The following XKR5 variants were observed in gnomAD, a reference collection of about 807,000 sequenced individuals.
XKR5 encodes the protein XK-related protein 5.
XKR5 carries 46 observed loss-of-function variants against 40.8 expected under a neutral mutation model. The observed-to-expected ratio is 1.13, with a 90% confidence interval of 0.89 to 1.44. XKR5 has a LOEUF of 1.44. Ranked by LOEUF, XKR5 falls within the 40% of genes most tolerant of loss-of-function variation. XKR5 has a pLI of 0.00. For missense variants in XKR5, 1,169 were observed against 844.7 expected (o/e 1.38, Z -4.76); for synonymous variants, 466 against 356.1 (o/e 1.31, Z -3.48).
Position 6,815,824 on chromosome 8 carries a change from A to T in XKR5, c.902T>A (p.Leu301Gln), listed in dbSNP as rs1803929746. The T allele has an allele frequency of 6.2e-7, 1 of 1,603,394 alleles. No homozygotes were observed. Among genetic ancestry groups the T allele is most frequent in the African/African-American group, 1.3e-5 (1 of 74,712 alleles). ...GGACTTACCAATCAGAAATCCAGAC[A>T]GGACCCCAGCTATGGTCTGCAGGCT... ...WTSLQTIAGVLSGFLIGSVSL... is the reference protein window; with the variant it reads ...WTSLQTIAGVQSGFLIGSVSL... The change falls in exon 6 of 7, where the codon CTG becomes CAG. Residue 301 changes from leucine to glutamine, a missense_variant. By Grantham distance (113) the Leu-to-Gln change is moderately radical (BLOSUM62 -2). Transcript: ENST00000618742.
intron 2 of XKR5, among the ~76,000 whole-genome samples, chr8:6,826,106 G>A (rs57045395): frequency 0.13 from 19,135 of 152,196 alleles, 1,626 homozygotes; most frequent in East Asian, 0.32. Flanking sequence ...GCGTGTATAT[G>A]GGTGAACACA....
intron 2 of XKR5, among the ~76,000 whole-genome samples, chr8:6,830,643 T>C (rs1804723964): frequency 6.6e-6 from 1 of 152,238 alleles, no homozygotes; most frequent in African/African-American, 2.4e-5. Flanking sequence ...TTTTTGTTCT[T>C]TTAAGGATGT....
intron 1 of XKR5, among the ~76,000 whole-genome samples, chr8:6,834,991 T>G (rs1430529071): frequency 6.6e-6 from 1 of 152,152 alleles, no homozygotes; most frequent in Non-Finnish European, 1.5e-5. Context: ...AGGGTCCCCC[T>G]GGACGGCCGG....
chr8:6,829,542 G>C (rs574301123), intron 2 of XKR5, among the ~76,000 whole-genome samples: 1 of 152,250 alleles, frequency 6.6e-6, no homozygotes, highest in Admixed American at 6.5e-5. Context: ...TTGAGATTGA[G>C]TCTCATTCTG....
intron 6 of XKR5, among the ~76,000 whole-genome samples, chr8:6,814,177 CCA>C (rs377270827): frequency 2.0e-5 from 3 of 152,172 alleles, no homozygotes; most frequent in Non-Finnish European, 4.4e-5. Context: ...GGCCATTTAT[CCA>C]CACACACAGC....
chr8:6,815,282 G>A (rs1803905351), intron 6 of XKR5, among the ~76,000 whole-genome samples: 1 of 152,178 alleles, frequency 6.6e-6, no homozygotes, highest in African/African-American at 2.4e-5. Flanking sequence ...CATAAAACAC[G>A]GCTGATGACA....
At position 6,832,755 on chromosome 8, in the gene XKR5, C is replaced by T. The variant is rs1021993590; in HGVS notation, c.204G>A (p.Leu68=). 5.0e-6 allele frequency: 8 copies of T among 1,613,420 alleles called. No homozygotes were observed. Among genetic ancestry groups the T allele is most frequent in the Non-Finnish European group, 6.8e-6 (8 of 1,179,658 alleles). The part of the protein sequence containing the change: ...RADGHPGHCS[L]MMLHLLQLGV... Reference sequence around the variant, plus strand: ...CAAGCTGTAGGAGGTGCAGCATCATCAAGGAGCAATGCCCTGGATGCCCGT... The same window carrying T: ...CAAGCTGTAGGAGGTGCAGCATCATTAAGGAGCAATGCCCTGGATGCCCGT... Residue 68 remains leucine (L), a synonymous_variant, in exon 2 of 7, where the codon TTG becomes TTA. Coordinates refer to ENST00000618742, the MANE Select transcript of XKR5 (RefSeq NM_207411.5).
intron 2 of XKR5, among the ~76,000 whole-genome samples, chr8:6,826,615 C>T (rs2741083): frequency 0.47 from 71,940 of 151,914 alleles, 17,224 homozygotes; most frequent in East Asian, 0.58. Flanking sequence ...CTGGATTGGC[C>T]ACGATATGAA....
chr8:6,830,441 G>T (rs531090301), intron 2 of XKR5, among the ~76,000 whole-genome samples: 82 of 152,318 alleles, frequency 5.4e-4, no homozygotes, highest in African/African-American at 1.8e-3. Flanking sequence ...CTCTATGGAA[G>T]TAAATTTCTG....
At chr8:6,834,553 C>A (rs902124218) in intron 1 of XKR5, among the ~76,000 whole-genome samples, 16 of 152,250 alleles carry the variant, frequency 1.1e-4, no homozygotes, top group Non-Finnish European at 2.2e-4. Context: ...GGCGCGGAGC[C>A]AGGGCGCTTG....
At position 6,821,896 on chromosome 8, in the gene XKR5, AG is replaced by A. The variant is rs1253424301; in HGVS notation, c.779del (p.Ser260LeufsTer38). The A allele has an allele frequency of 6.2e-7, 1 of 1,613,400 alleles. No individual in the cohort carries two copies. The highest frequency in any genetic ancestry group is 1.3e-5 in the African/African-American group (1 of 74,918). On this transcript the variant is annotated frameshift_variant, in exon 5 of 7. Transcript: ENST00000618742. LOFTEE classifies it high-confidence loss of function. ...LCYLSFWDSP[S>X]RNRMVTFYMV... ...TGTAGAACGTGACCATCCTATTTCT[AG>A]AAGGGCTGTCCCAGAAGCTGAGGTA...
Position 6,812,055 on chromosome 8 carries a change from G to T in XKR5, c.1204C>A (p.His402Asn). ...QVAVEDSFLS[H>N]HHWLWVKLAL... ...AGTTTCACCCACAGCCAGTGGTGAT[G>T]ACTGAGGAAAGAGTCCTCCACAGCA... Residue 402 changes from histidine to asparagine, a missense_variant, in exon 7 of 7, where the codon CAT (histidine) becomes AAT (asparagine). His to Asn is a moderately conservative substitution (Grantham distance 68, BLOSUM62 1). Transcript: ENST00000618742. 2 of 1,539,270 alleles carry T rather than the reference G, an allele frequency of 1.3e-6. No individual in the cohort carries two copies. The highest frequency in any genetic ancestry group is 1.7e-6 in the Non-Finnish European group (2 of 1,146,944).
rs550827454 is a variant in XKR5 at position 6,830,671 on chromosome 8, TTA to T, written c.242+2044_242+2045del. On this transcript the variant is annotated intron_variant, in intron 2 of 6. Transcript: ENST00000618742. The stretch of plus-strand genomic sequence containing the variant: ...AAGGATGTGTATTTTTAAAGTCATC[TTA>T]ACTTCTTTTTCAAAACAAGAATAAA... 2.9e-4 allele frequency among the ~76,000 whole-genome samples: 44 copies of T among 152,366 alleles called. No homozygotes were observed. The South Asian group carries it at 8.9e-3, about 31-fold the overall frequency.
chr8:6,833,770 G>A (rs542492725), intron 1 of XKR5, among the ~76,000 whole-genome samples: 1 of 152,276 alleles, frequency 6.6e-6, no homozygotes, highest in East Asian at 1.9e-4. Flanking sequence ...ACCAGCAAGA[G>A]TCTCCTAGGA....
Position 6,823,543 on chromosome 8 carries a change from G to A in XKR5, c.615C>T (p.His205=), listed in dbSNP as rs1229184006. ...LSLVLFYKAY[H]FWVFVVAGAH... ...CACCTGCAACCACAAAAACCCAAAA[G>A]TGGTAGGCTTTGTAGAACAGAACCA... Residue 205 remains histidine (H), a synonymous_variant, in exon 4 of 7, where the codon CAC becomes CAT. Coordinates refer to ENST00000618742, the MANE Select transcript of XKR5 (RefSeq NM_207411.5). 6.3e-7 allele frequency: 1 copy of A among 1,592,018 alleles called. No individual in the cohort carries two copies. Among genetic ancestry groups the A allele is most frequent in the South Asian group, 1.1e-5 (1 of 87,162 alleles).
At chr8:6,833,406 A>T (rs1315755921) in intron 1 of XKR5, among the ~76,000 whole-genome samples, 1 of 152,168 alleles carries the variant, frequency 6.6e-6, no homozygotes, top group African/African-American at 2.4e-5. Context: ...GAGTACAGCA[A>T]ACTTTGCTTT....
In XKR5 at chr8:6,832,752, C is replaced by A. The variant is rs1407944255; in HGVS notation, c.207G>T (p.Met69Ile). ...ADGHPGHCSL[M>I]MLHLLQLGVW... is the part of the protein sequence containing the mutation. The stretch of plus-strand genomic sequence containing the variant: ...CACCAAGCTGTAGGAGGTGCAGCAT[C>A]ATCAAGGAGCAATGCCCTGGATGCC... The change falls in exon 2 of 7, where the codon ATG becomes ATT. Residue 69 changes from methionine to isoleucine, a missense_variant. Physicochemically the swap from Met to Ile is conservative, Grantham distance 10. Transcript: ENST00000618742. 1 of 1,613,470 alleles carries A rather than the reference C, an allele frequency of 6.2e-7. No individual in the cohort carries two copies. The highest frequency in any genetic ancestry group is 1.1e-5 in the South Asian group (1 of 90,880).
At position 6,814,144 on chromosome 8, in the gene XKR5, C is replaced by T. The variant is rs1206462983; in HGVS notation, c.919+1663G>A. ...AGAGTGGTGCTTCTCACCCGGGCAG[C>T]GCGATGTCCTCAGTTTCCCATAGGC... On this transcript the variant is annotated intron_variant, in intron 6 of 6. Transcript: ENST00000618742. Among the ~76,000 whole-genome samples, 9 of 152,208 alleles carry T rather than the reference C, an allele frequency of 5.9e-5. No individual in the cohort carries two copies. The East Asian group carries it at 7.7e-4, about 13-fold the overall frequency.
intron 2 of XKR5, among the ~76,000 whole-genome samples, chr8:6,826,274 A>G (rs138982423): frequency 1.1e-3 from 160 of 152,162 alleles, no homozygotes; most frequent in Non-Finnish European, 1.6e-3. Context: ...GCATGAAGGT[A>G]TATGTGTGTA....
Sources: allele counts gnomAD v4.1 joint callset (sites outside exome capture counted in the v4.1 genomes callset), GRCh38; gene constraint gnomAD v4.1.1; transcripts MANE v1.5; gene names NCBI Gene and HGNC (gene_info 2026-07-23, HGNC 2026-07-21).